SORCS2: variants seen among roughly 807,000 people sequenced by gnomAD.
The protein encoded by SORCS2 is VPS10 domain-containing receptor SorCS2.
Under a neutral mutation model 141.6 loss-of-function variants are expected in SORCS2, and 100 were observed. That is an observed-to-expected ratio of 0.71 (90% CI 0.60 to 0.83). The LOEUF (loss-of-function observed/expected upper bound fraction) is 0.83. SORCS2 is among the 40% of genes least tolerant of loss of function. The pLI is 0.00. For missense variants in SORCS2, 1,646 were observed against 1,560.2 expected, an observed-to-expected ratio of 1.05 and a Z score of -0.93; for synonymous variants, 789 against 676.9, an observed-to-expected ratio of 1.17 and a Z score of -2.57.
At chr4:7,669,385 G>A (rs964165399) in intron 8 of SORCS2, among the ~76,000 whole-genome samples, 10 of 152,206 alleles carry the variant, frequency 6.6e-5, no homozygotes, top group African/African-American at 2.4e-4. Flanking sequence ...AAGCTGGGCT[G>A]CTGTCAGGAG....
At chr4:7,473,766 C>A (rs184628681) in intron 2 of SORCS2, among the ~76,000 whole-genome samples, 127 of 152,102 alleles carry the variant, frequency 8.3e-4, no homozygotes, top group African/African-American at 2.8e-3. Context: ...AGGGTGGGCG[C>A]GGTCCTGGCA....
intron 1 of SORCS2, among the ~76,000 whole-genome samples, chr4:7,386,084 C>A (rs976680713): frequency 6.6e-6 from 1 of 152,210 alleles, no homozygotes; most frequent in Non-Finnish European, 1.5e-5. Context: ...TACACATACA[C>A]ATATGCACAC....
chr4:7,341,151 G>T (rs1222285106), intron 1 of SORCS2, among the ~76,000 whole-genome samples: 2 of 152,266 alleles, frequency 1.3e-5, no homozygotes, highest in South Asian at 4.1e-4. Context: ...CTGGCCCGAG[G>T]TCTGCGTGCA....
intron 3 of SORCS2, among the ~76,000 whole-genome samples, chr4:7,552,015 C>G (rs1044220909): frequency 2.0e-5 from 3 of 152,216 alleles, no homozygotes; most frequent in African/African-American, 7.2e-5. Flanking sequence ...CTCCACACGG[C>G]TCATAAATAG....
chr4:7,388,342 G>T (rs567603398), intron 1 of SORCS2, among the ~76,000 whole-genome samples: 1 of 152,330 alleles, frequency 6.6e-6, no homozygotes, highest in South Asian at 2.1e-4. Flanking sequence ...AGCTGGTCCT[G>T]GGTGGTTTTG....
intron 3 of SORCS2, 113 bp downstream of exon 3, chr4:7,531,742 G>C: frequency 1.9e-6 from 2 of 1,059,926 alleles, no homozygotes; most frequent in African/African-American, 1.6e-5. Flanking sequence ...GCCCAGGCCG[G>C]AGTGTGAGAT....
At chr4:7,228,044 C>G (rs1711543928) in intron 1 of SORCS2, among the ~76,000 whole-genome samples, 1 of 152,172 alleles carries the variant, frequency 6.6e-6, no homozygotes, top group Admixed American at 6.5e-5. Context: ...TTTGCCTGGG[C>G]TGCTGTGACA....
At chr4:7,281,310 G>A (rs760702519) in intron 1 of SORCS2, among the ~76,000 whole-genome samples, 5 of 152,080 alleles carry the variant, frequency 3.3e-5, no homozygotes, top group Non-Finnish European at 5.9e-5. Context: ...TCCGCTTGTC[G>A]GTGATGGTGG....
chr4:7,216,551 G>A (rs1728361017), intron 1 of SORCS2, among the ~76,000 whole-genome samples: 1 of 152,132 alleles, frequency 6.6e-6, no homozygotes, highest in African/African-American at 2.4e-5. Context: ...GAGGCTCCAG[G>A]GGAGATTGCC....
At chr4:7,486,178 T>C (rs1196281781) in intron 2 of SORCS2, among the ~76,000 whole-genome samples, 2 of 88,996 alleles carry the variant, frequency 2.2e-5, no homozygotes, top group Non-Finnish European at 4.9e-5. Flanking sequence ...GCCTCTCCCA[T>C]AGGTTCTTCT....
At chr4:7,687,242 C>G (rs769161208) in intron 10 of SORCS2, among the ~76,000 whole-genome samples, 1 of 152,156 alleles carries the variant, frequency 6.6e-6, no homozygotes, top group Non-Finnish European at 1.5e-5. Context: ...TTCTCCTTCT[C>G]CTGATTAGAG....
rs111257937 is a variant in SORCS2 at position 7,730,373 on chromosome 4, A to T, written c.3108+661A>T. ...CGGGCTGGAAATTCCTCAGTAAGTTATACCTAAGTTACCGCATGACCCAGC... is the reference window on the plus strand; with the variant it reads ...CGGGCTGGAAATTCCTCAGTAAGTTTTACCTAAGTTACCGCATGACCCAGC... On this transcript the variant is annotated intron_variant, in intron 23 of 26. Coordinates refer to ENST00000507866, the MANE Select transcript of SORCS2 (RefSeq NM_020777.3). Among the ~76,000 whole-genome samples, 1,141 of 152,326 alleles carry T rather than the reference A, an allele frequency of 7.5e-3. 11 individuals are homozygous for T. Among genetic ancestry groups the T allele is most frequent in the African/African-American group, 0.026 (1,085 of 41,568 alleles).
chr4:7,728,703 C>T (rs1338524037), intron 22 of SORCS2, among the ~76,000 whole-genome samples: 1 of 152,234 alleles, frequency 6.6e-6, no homozygotes, highest in Admixed American at 6.5e-5. Context: ...CCACAGGCAC[C>T]CTCCATGCAC....
chr4:7,557,768 A>G (rs2109659658), intron 3 of SORCS2, among the ~76,000 whole-genome samples: 1 of 152,286 alleles, frequency 6.6e-6, no homozygotes, highest in Non-Finnish European at 1.5e-5. Flanking sequence ...TTGAGCTGAG[A>G]CTTGGCCTGC....
In SORCS2 at chr4:7,517,714, C is replaced by G. The variant is rs142498699; in HGVS notation, c.549-13816C>G. Among the ~76,000 whole-genome samples, 152 of 152,310 alleles carry G rather than the reference C, an allele frequency of 1.0e-3. 2 individuals are homozygous for G. The highest frequency in any genetic ancestry group is 1.0e-4 in the Non-Finnish European group (7 of 68,030). ...TAAAAAGCTGCATGGAGGCTCAGAG[C>G]ATCCCACTGATGAGCCTCCCTCCTA... On this transcript the variant is annotated intron_variant, in intron 2 of 26. Transcript: ENST00000507866.
At chr4:7,637,089 C>G (rs1342118720) in intron 3 of SORCS2, among the ~76,000 whole-genome samples, 1 of 152,224 alleles carries the variant, frequency 6.6e-6, no homozygotes, top group Non-Finnish European at 1.5e-5. Flanking sequence ...ACGGTCTACC[C>G]TAAATCCAGA....
chr4:7,572,582 G>T (rs1053492206), intron 3 of SORCS2, among the ~76,000 whole-genome samples: 3 of 152,140 alleles, frequency 2.0e-5, no homozygotes, highest in Non-Finnish European at 4.4e-5. Flanking sequence ...CTTGATGCTC[G>T]TGGCCTTCAA....
chr4:7,505,542 C>T (rs1732225875), intron 2 of SORCS2, among the ~76,000 whole-genome samples: 1 of 152,200 alleles, frequency 6.6e-6, no homozygotes, highest in African/African-American at 2.4e-5. Context: ...GGAGCCCTCT[C>T]ACTGTCTCTC....
At chr4:7,501,968 G>A (rs1303736002) in intron 2 of SORCS2, among the ~76,000 whole-genome samples, 2 of 152,200 alleles carry the variant, frequency 1.3e-5, no homozygotes, top group Non-Finnish European at 2.9e-5. Flanking sequence ...ACTTGTGGGC[G>A]CACTCCCGGC....
Sources: allele counts gnomAD v4.1 joint callset (sites outside exome capture counted in the v4.1 genomes callset), GRCh38; gene constraint gnomAD v4.1.1; transcripts MANE v1.5; gene names NCBI Gene and HGNC (gene_info 2026-07-23, HGNC 2026-07-21).